Variants in NLGN4X observed in about 807,000 individuals in gnomAD.
NLGN4X encodes the protein neuroligin-4, X-linked.
Under a neutral mutation model 40.3 loss-of-function variants are expected in NLGN4X, and 3 were observed. The observed-to-expected ratio is 0.07, with a 90% CI of 0.03 to 0.19. The LOEUF (loss-of-function observed/expected upper bound fraction) is 0.19. Among genes scored for constraint, NLGN4X ranks in the 10% least tolerant of loss-of-function variants. The pLI, the probability that NLGN4X is intolerant of heterozygous loss-of-function variation, is 1.00. For missense variants in NLGN4X, 382 were observed against 708.3 expected (o/e 0.54, Z 5.23); for synonymous variants, 270 against 306.8 (o/e 0.88, Z 1.25).
At chrX:6,103,868 T>C (rs1162112479) in intron 2 of NLGN4X, among the ~76,000 whole-genome samples, 1 of 112,466 alleles carries the variant, frequency 8.9e-6, no homozygotes, top group Non-Finnish European at 1.9e-5. Context: ...ACACGCACCT[T>C]ATGGTATTAT....
chrX:6,193,492 T>TAA lies in NLGN4X; in HGVS notation c.-306+35047_-306+35048dup, dbSNP rs34523446. 7.1e-4 allele frequency among the ~76,000 whole-genome samples: 66 copies of TAA among 93,469 alleles called. 2 individuals are homozygous for TAA. Among genetic ancestry groups the TAA allele is most frequent in the African/African-American group, 1.5e-3 (37 of 24,003 alleles). 81.2% of individuals were successfully genotyped at this position (93,469 alleles called of 115,157 possible). A position where few individuals can be genotyped will look rare whatever the true frequency, so the allele number is the denominator to read the frequency against. ...CCATCTTAGCACATTGTTCCCTATTTAAAAAAAAAAAGAAAAACATACCTC... is the reference window on the plus strand; with the variant it reads ...CCATCTTAGCACATTGTTCCCTATTTAAAAAAAAAAAAAGAAAAACATACCTC... On this transcript the variant is annotated intron_variant, in intron 1 of 5. Transcript: ENST00000381095.
intron 2 of NLGN4X, among the ~76,000 whole-genome samples, chrX:6,098,526 T>C (rs986660208): frequency 9.0e-6 from 1 of 110,926 alleles, no homozygotes; most frequent in Non-Finnish European, 1.9e-5. Flanking sequence ...GCTGATCCAA[T>C]GCTTGAATGT....
intron 1 of NLGN4X, among the ~76,000 whole-genome samples, chrX:6,189,591 A>G (rs780224439): frequency 8.9e-6 from 1 of 112,194 alleles, no homozygotes; most frequent in African/African-American, 3.2e-5. Flanking sequence ...TGCACTTTAT[A>G]TAATGTTCCC....
intron 2 of NLGN4X, among the ~76,000 whole-genome samples, chrX:6,116,772 C>T (rs1278628184): frequency 4.5e-5 from 5 of 110,608 alleles, no homozygotes; most frequent in Middle Eastern, 4.6e-3. Context: ...TCAAGTGATC[C>T]GCCCGTCTCA....
intron 3 of NLGN4X, among the ~76,000 whole-genome samples, chrX:6,013,873 T>C (rs143707976): frequency 8.2e-5 from 9 of 110,144 alleles, no homozygotes; most frequent in Admixed American, 2.9e-4. Context: ...AAAATAAGAA[T>C]AAATCAATTT....
chrX:6,109,401 G>A (rs1412560938), intron 2 of NLGN4X, among the ~76,000 whole-genome samples: 1 of 112,011 alleles, frequency 8.9e-6, no homozygotes, highest in Non-Finnish European at 1.9e-5. Context: ...TGAAATACAG[G>A]GTTATATTAG....
rs182764424 is a variant in NLGN4X at position 5,998,393 on chromosome X, A to G, written c.625+30887T>C. Reference sequence around the variant, plus strand: ...CCATTGCACTCCAACCTAGGCGACAAGAGGGAAACTCCTTCTCAAAAAAAA... The same window carrying G: ...CCATTGCACTCCAACCTAGGCGACAGGAGGGAAACTCCTTCTCAAAAAAAA... On this transcript the variant is annotated intron_variant, in intron 3 of 5. Transcript: ENST00000381095. Among the ~76,000 whole-genome samples the G allele has an allele frequency of 2.4e-4, 21 of 88,020 alleles. No individual in the cohort carries two copies. In the East Asian group the frequency reaches 4.7e-3, roughly 20 times the overall value. 76.4% of individuals were successfully genotyped at this position (88,020 alleles called of 115,157 possible). A position where few individuals can be genotyped will look rare whatever the true frequency, so the allele number is the denominator to read the frequency against.
intron 2 of NLGN4X, among the ~76,000 whole-genome samples, chrX:6,129,894 T>C (rs1473809768): frequency 9.1e-6 from 1 of 109,353 alleles, no homozygotes; most frequent in East Asian, 2.9e-4. Context: ...TTTTTTTTTT[T>C]TTTCTTTGAG....
At chrX:6,037,183 G>A (rs1453833298) in intron 2 of NLGN4X, among the ~76,000 whole-genome samples, 1 of 110,209 alleles carries the variant, frequency 9.1e-6, no homozygotes, top group African/African-American at 3.3e-5. Context: ...GTGCATGCCT[G>A]TAGTCCCAGC....
At chrX:5,999,225 A>G (rs2035911654) in intron 3 of NLGN4X, among the ~76,000 whole-genome samples, 2 of 111,889 alleles carry the variant, frequency 1.8e-5, no homozygotes, top group Admixed American at 1.9e-4. Flanking sequence ...CTGTTGCCCA[A>G]TGGCCTTAAG....
chrX:5,965,269 G>A (rs1477225711), intron 3 of NLGN4X, among the ~76,000 whole-genome samples: 1 of 111,635 alleles, frequency 9.0e-6, no homozygotes, highest in Non-Finnish European at 1.9e-5. Flanking sequence ...ACATCCACCT[G>A]GTCTTATTTG....
intron 1 of NLGN4X, among the ~76,000 whole-genome samples, chrX:6,162,949 G>A (rs1602346536): frequency 8.9e-6 from 1 of 111,800 alleles, no homozygotes; most frequent in African/African-American, 3.3e-5. Flanking sequence ...CCCACGTATA[G>A]GGAGAGGGAC....
rs192125294 is a variant in NLGN4X, at chrX:6,162,574, G to A, written c.-305-10803C>T. Among the ~76,000 whole-genome samples, 21 of 111,655 alleles carry A rather than the reference G, an allele frequency of 1.9e-4. No individual in the cohort carries two copies. The East Asian group carries it at 4.6e-3, about 24-fold the overall frequency. On this transcript the variant is annotated intron_variant, in intron 1 of 5. Coordinates refer to ENST00000381095, the MANE Select transcript of NLGN4X (RefSeq NM_181332.3). ...TCCAAGTCCTTCAGCTTTGGGATTC[G>A]GACTGGCTTCCTTGCTCCTCAGCTT...
In NLGN4X at chrX:6,220,490, T is replaced by C. The variant is rs759586084; in HGVS notation, c.-306+8051A>G. On this transcript the variant is annotated intron_variant, in intron 1 of 5. Transcript: ENST00000381095. ...TACAAGTACACAACATTGCACAATA[T>C]TGATGGACAAGAGAGGGTAGAATTT... Among the ~76,000 whole-genome samples, 481 of 106,763 alleles carry C rather than the reference T, an allele frequency of 4.5e-3. 10 individuals are homozygous for C. Among genetic ancestry groups the C allele is most frequent in the Non-Finnish European group, 5.5e-3 (287 of 52,096 alleles). 92.7% of individuals were successfully genotyped at this position (106,763 alleles called of 115,157 possible). A position where few individuals can be genotyped will look rare whatever the true frequency, so the allele number is the denominator to read the frequency against.
At chrX:5,954,903 G>A (rs183650215) in intron 3 of NLGN4X, among the ~76,000 whole-genome samples, 1 of 111,092 alleles carries the variant, frequency 9.0e-6, no homozygotes, top group African/African-American at 3.3e-5. Flanking sequence ...CTGAATTTCT[G>A]TCCACTGTTG....
In NLGN4X at chrX:6,039,000, T is replaced by C. The variant is rs1230777813; in HGVS notation, c.473-9568A>G. 2.7e-5 allele frequency among the ~76,000 whole-genome samples: 3 copies of C among 111,020 alleles called. No individual in the cohort carries two copies. In the Admixed American group the frequency reaches 2.9e-4, roughly 11 times the overall value. ...CCCCAGTTCCAGGGCACATAACTAC[T>C]AGATAGACAATTGTTGAATTACAGG... is the stretch of plus-strand genomic sequence containing the variant. On this transcript the variant is annotated intron_variant, in intron 2 of 5. Transcript: ENST00000381095.
intron 1 of NLGN4X, among the ~76,000 whole-genome samples, chrX:6,199,484 C>G (rs1161210184): frequency 8.9e-6 from 1 of 111,762 alleles, no homozygotes; most frequent in Non-Finnish European, 1.9e-5. Flanking sequence ...GATAAACTCT[C>G]AAGAAATTAA....
chrX:6,015,219 T>C (rs2036363137), intron 3 of NLGN4X, among the ~76,000 whole-genome samples: 1 of 111,930 alleles, frequency 8.9e-6, no homozygotes, highest in African/African-American at 3.2e-5. Context: ...TGCTACTCCA[T>C]TTTCAATGGA....
intron 1 of NLGN4X, among the ~76,000 whole-genome samples, chrX:6,225,998 T>G: frequency 9.4e-6 from 1 of 106,452 alleles, no homozygotes; most frequent in South Asian, 4.4e-4. Context: ...CCTGCTTAGT[T>G]CCAAAACCCC....
Sources: gnomAD v4.1 joint callset for allele counts (sites outside exome capture counted in the v4.1 genomes callset) on GRCh38, gnomAD v4.1.1 for gene constraint, MANE v1.5 for transcripts, NCBI Gene and HGNC (gene_info 2026-07-23, HGNC 2026-07-21) for gene names.